The following SCFD2 variants were observed in gnomAD, a reference collection of about 807,000 sequenced individuals.
SCFD2 encodes sec1 family domain containing 2.
In SCFD2, 54 loss-of-function variants were observed where a neutral mutation model predicts 58.9. That is an observed-to-expected ratio of 0.92 (90% CI 0.74 to 1.15). The LOEUF (loss-of-function observed/expected upper bound fraction) is 1.15, where lower values mean the gene tolerates loss of function less well. Ranked by LOEUF, SCFD2 falls within the 50% of genes most tolerant of loss-of-function variation. The pLI, the probability that SCFD2 is intolerant of heterozygous loss-of-function variation, is 0.00. For synonymous variants in SCFD2, 321 were observed against 335.9 expected (o/e 0.96, Z 0.49); for missense variants, 805 against 836.6 (o/e 0.96, Z 0.47).
At chr4:53,269,017 T>C (rs1577916567) in intron 4 of SCFD2, among the ~76,000 whole-genome samples, 2 of 152,164 alleles carry the variant, frequency 1.3e-5, no homozygotes, top group South Asian at 4.1e-4. Context: ...CCTGTGCTGT[T>C]AGACTAGAGC....
intron 5 of SCFD2, among the ~76,000 whole-genome samples, chr4:52,963,261 T>C (rs767058403): frequency 3.9e-5 from 6 of 152,210 alleles, no homozygotes; most frequent in Non-Finnish European, 8.8e-5. Flanking sequence ...TGGGGACCAT[T>C]TAGGGTTAAA....
chr4:53,273,286 AT>A (rs982754007), intron 4 of SCFD2, among the ~76,000 whole-genome samples: 26 of 152,130 alleles, frequency 1.7e-4, no homozygotes, highest in African/African-American at 5.1e-4. Flanking sequence ...CATACTACAT[AT>A]TTTTTTAAAA....
intron 4 of SCFD2, among the ~76,000 whole-genome samples, chr4:53,207,157 A>G (rs1345532331): frequency 2.6e-5 from 4 of 151,858 alleles, no homozygotes; most frequent in Non-Finnish European, 5.9e-5. Flanking sequence ...TTAATCCATT[A>G]GTGACGGTTT....
chr4:53,196,244 A>G (rs1728053541), intron 4 of SCFD2, among the ~76,000 whole-genome samples: 1 of 152,152 alleles, frequency 6.6e-6, no homozygotes, highest in South Asian at 2.1e-4. Flanking sequence ...TGGTCTGGTT[A>G]GTCTTCACAA....
chr4:53,084,303 C>T (rs1403915877), intron 5 of SCFD2, among the ~76,000 whole-genome samples: 1 of 152,104 alleles, frequency 6.6e-6, no homozygotes, highest in African/African-American at 2.4e-5. Context: ...ACTCGCATGT[C>T]TGTTTATAGG....
intron 5 of SCFD2, among the ~76,000 whole-genome samples, chr4:53,049,545 G>A (rs183553718): frequency 1.9e-4 from 29 of 152,296 alleles, no homozygotes; most frequent in African/African-American, 6.0e-4. Flanking sequence ...AACCCAGGCA[G>A]TCTGGGTTTC....
chr4:53,305,570 T>C (rs567812374), intron 3 of SCFD2, among the ~76,000 whole-genome samples: 17 of 152,350 alleles, frequency 1.1e-4, no homozygotes, highest in African/African-American at 3.4e-4. Context: ...CTCTTTTCAC[T>C]ACCTTATTTT....
intron 5 of SCFD2, among the ~76,000 whole-genome samples, chr4:52,943,707 T>C (rs981445328): frequency 3.9e-5 from 6 of 152,072 alleles, no homozygotes; most frequent in Non-Finnish European, 8.8e-5. Flanking sequence ...CTTAATACTA[T>C]CTTATTGGCA....
chr4:53,028,807 C>T (rs1722545206), intron 5 of SCFD2, among the ~76,000 whole-genome samples: 1 of 152,088 alleles, frequency 6.6e-6, no homozygotes, highest in Non-Finnish European at 1.5e-5. Context: ...GTTTTTTTCT[C>T]AATTCTACCA....
At chr4:53,095,495 T>C (rs1378655591) in intron 5 of SCFD2, among the ~76,000 whole-genome samples, 1 of 152,134 alleles carries the variant, frequency 6.6e-6, no homozygotes, top group Non-Finnish European at 1.5e-5. Flanking sequence ...TCACTTAGAT[T>C]ACTCTAAAAG....
chr4:52,914,920 G>C (rs1719568058), intron 6 of SCFD2, among the ~76,000 whole-genome samples: 1 of 152,032 alleles, frequency 6.6e-6, no homozygotes, highest in South Asian at 2.1e-4. Flanking sequence ...GATACACATG[G>C]AATAGCTGAA....
At chr4:53,021,896 A>G (rs1178595434) in intron 5 of SCFD2, among the ~76,000 whole-genome samples, 2 of 152,058 alleles carry the variant, frequency 1.3e-5, no homozygotes, top group Non-Finnish European at 2.9e-5. Context: ...CCCAGGTGAC[A>G]CTCTATGATG....
chr4:53,189,620 A>T (rs1373499607), intron 4 of SCFD2, among the ~76,000 whole-genome samples: 1 of 152,038 alleles, frequency 6.6e-6, no homozygotes, highest in Non-Finnish European at 1.5e-5. Context: ...CACCCTCATG[A>T]CCTCATCTAA....
chr4:53,057,966 T>C (rs1480827311), intron 5 of SCFD2, among the ~76,000 whole-genome samples: 1 of 152,052 alleles, frequency 6.6e-6, no homozygotes, highest in African/African-American at 2.4e-5. Context: ...AGAAAAGTAC[T>C]GAGCACTCTC....
chr4:53,103,768 T>TAAAAAAAAAAAAA (rs35959095), intron 5 of SCFD2, among the ~76,000 whole-genome samples: 1 of 34,020 alleles, frequency 2.9e-5, no homozygotes, highest in African/African-American at 1.4e-4. Flanking sequence ...AGTAAGGAAG[T>TAAAAAAAAAAAAA]AAAAAAAAAA....
chr4:53,122,691 A>C (rs971675830), intron 5 of SCFD2, among the ~76,000 whole-genome samples: 2 of 152,202 alleles, frequency 1.3e-5, no homozygotes, highest in Non-Finnish European at 2.9e-5. Context: ...GTGATGTCAC[A>C]TAAGTCAGTT....
intron 5 of SCFD2, among the ~76,000 whole-genome samples, chr4:53,029,806 T>A (rs1421283216): frequency 1.3e-5 from 2 of 152,260 alleles, no homozygotes; most frequent in African/African-American, 4.8e-5. Context: ...TAACACTTTG[T>A]ACCTTATAGG....
intron 3 of SCFD2, among the ~76,000 whole-genome samples, chr4:53,282,844 T>C (rs1731547916): frequency 6.6e-6 from 1 of 152,270 alleles, no homozygotes; most frequent in African/African-American, 2.4e-5. Flanking sequence ...TATAAATTTC[T>C]AGACAGTGAA....
intron 4 of SCFD2, among the ~76,000 whole-genome samples, chr4:53,242,321 A>G (rs1379464987): frequency 6.6e-6 from 1 of 152,208 alleles, no homozygotes. Context: ...GCCAGTGCCA[A>G]TACCAGTCAC....
Sources: allele counts gnomAD v4.1 joint callset (sites outside exome capture counted in the v4.1 genomes callset), GRCh38; gene constraint gnomAD v4.1.1; transcripts MANE v1.5; gene names NCBI Gene and HGNC (gene_info 2026-07-23, HGNC 2026-07-21).